ZNF567: variants seen among roughly 807,000 people sequenced by gnomAD.
The protein encoded by ZNF567 is zinc finger protein 567.
ZNF567 carries 36 observed loss-of-function variants against 53.9 expected under a neutral mutation model. The observed-to-expected ratio is 0.67, with a 90% confidence interval of 0.51 to 0.88. The LOEUF is 0.88. ZNF567 is among the 40% of genes least tolerant of loss of function. ZNF567 has a pLI of 0.00. For missense variants in ZNF567, 619 were observed against 764.7 expected, an observed-to-expected ratio of 0.81 and a Z score of 2.25; for synonymous variants, 224 against 260.4, an observed-to-expected ratio of 0.86 and a Z score of 1.35.
chr19:36,719,049 G>A lies in ZNF567; in HGVS notation c.325G>A (p.Glu109Lys), dbSNP rs762017192. ...VSINHKKLVK[E>K]KSKIYEKTFT... The stretch of plus-strand genomic sequence containing the variant: ...CATCAACCACAAAAAACTGGTGAAG[G>A]AGAAGAGTAAAATATATGAAAAGAC... The change falls in exon 6 of 6, where the codon GAG becomes AAG. Residue 109 changes from glutamate (E) to lysine (K), a missense_variant. Physicochemically the swap from Glu to Lys is moderately conservative, Grantham distance 56 (BLOSUM62 1). Coordinates refer to ENST00000682579, the MANE Select transcript of ZNF567 (RefSeq NM_001322917.1). 4.3e-6 allele frequency: 7 copies of A among 1,612,376 alleles called. No homozygotes were observed. Among genetic ancestry groups the A allele is most frequent in the East Asian group, 2.2e-5 (1 of 44,840 alleles).
intron 3 of ZNF567, among the ~76,000 whole-genome samples, chr19:36,695,171 A>T (rs1489327212): frequency 6.6e-6 from 1 of 151,608 alleles, no homozygotes; most frequent in African/African-American, 2.4e-5. Flanking sequence ...TTGCGAGTCC[A>T]GGAGTTCAAG....
rs2039859866 is a variant in ZNF567 at position 36,712,852 on chromosome 19, G to A, written c.208G>A (p.Gly70Ser). The change falls in exon 5 of 6, where the codon GGT becomes AGT. Residue 70 changes from glycine (G) to serine (S), a missense_variant. By Grantham distance (56) the Gly-to-Ser change is moderately conservative. Transcript: ENST00000682579. ...RGEEPWTSFA[G>S]HTCLEENWKA... ...AGAAGAGCCATGGACATCATTTGCA[G>A]GTCATACCTGCTTGGGTGAGTTTCT... 1.2e-6 allele frequency: 2 copies of A among 1,613,942 alleles called. No individual in the cohort carries two copies. Among genetic ancestry groups the A allele is most frequent in the Non-Finnish European group, 1.7e-6 (2 of 1,179,892 alleles).
upstream of ZNF567, chr19:36,685,500 A>G (rs751162439): frequency 5.3e-5 from 8 of 150,916 alleles, no homozygotes; most frequent in African/African-American, 7.5e-5. Context: ...AAAGTTGGTC[A>G]AGACATGGGA....
Position 36,694,796 on chromosome 19 carries a change from CCTT to C in ZNF567, c.-66-5_-66-3del. ...GGCTTTTTTTGTCTCGGCTTTGCCT[CCTT>C]AGGAACTGCCTCTTTTCTAAAGAGG... On this transcript the variant is annotated splice_polypyrimidine_tract_variant and splice_region_variant and intron_variant, in intron 2 of 5. Transcript: ENST00000682579. 6.9e-7 allele frequency: 1 copy of C among 1,456,530 alleles called. No homozygotes were observed. The highest frequency in any genetic ancestry group is 1.4e-5 in the African/African-American group (1 of 69,328). 90.2% of individuals were successfully genotyped at this position (1,456,530 alleles called of 1,614,324 possible). A position where few individuals can be genotyped will look rare whatever the true frequency, so the allele number is the denominator to read the frequency against.
At chr19:36,714,451 T>G (rs1002941439) in intron 5 of ZNF567, 10 of 398,302 alleles carry the variant, frequency 2.5e-5, no homozygotes, top group African/African-American at 1.6e-4. Context: ...CTTGAGCCAC[T>G]GCACCTGGCA....
downstream of ZNF567, among the ~76,000 whole-genome samples, chr19:36,721,732 C>CTTTTTTTTT (rs756276834): frequency 3.3e-5 from 4 of 121,654 alleles, no homozygotes; most frequent in Admixed American, 1.0e-4. Context: ...GTACCAGAGT[C>CTTTTTTTTT]TTTTTTTTTT....
upstream of ZNF567, chr19:36,686,061 A>G (rs2038262734): frequency 6.6e-6 from 1 of 152,210 alleles, no homozygotes; most frequent in Admixed American, 6.5e-5. Context: ...AGACTTCCTG[A>G]AGCTTTGTCT....
chr19:36,702,564 A>G (rs1274535708), intron 3 of ZNF567, among the ~76,000 whole-genome samples: 4 of 152,084 alleles, frequency 2.6e-5, no homozygotes, highest in East Asian at 3.8e-4. Context: ...AGGTACACCA[A>G]TCAGACGTAG....
chr19:36,712,848 T>G lies in ZNF567; in HGVS notation c.204T>G (p.Phe68Leu), dbSNP rs2039859324. The G allele has an allele frequency of 6.2e-7, 1 of 1,614,176 alleles. No individual in the cohort carries two copies. Among genetic ancestry groups the G allele is most frequent in the East Asian group, 2.2e-5 (1 of 44,882 alleles). Residue 68 changes from phenylalanine to leucine, a missense_variant, in exon 5 of 6, where the codon TTT becomes TTG. Coordinates refer to ENST00000682579, the MANE Select transcript of ZNF567 (RefSeq NM_001322917.1). Reference protein sequence around the residue: ...LERGEEPWTSFAGHTCLEENW... With the variant: ...LERGEEPWTSLAGHTCLEENW... Reference sequence around the variant, plus strand: ...GAGGAGAAGAGCCATGGACATCATTTGCAGGTCATACCTGCTTGGGTGAGT... The same window carrying G: ...GAGGAGAAGAGCCATGGACATCATTGGCAGGTCATACCTGCTTGGGTGAGT...
chr19:36,708,065 T>A (rs747633583), intron 3 of ZNF567, among the ~76,000 whole-genome samples: 61 of 151,986 alleles, frequency 4.0e-4, no homozygotes, highest in Non-Finnish European at 2.2e-4. Flanking sequence ...CTAGCTAATT[T>A]TTAAATTTTT....
At chr19:36,681,841 A>G in the ZNF567 span, among the ~76,000 whole-genome samples, 1 of 152,068 alleles carries the variant, frequency 6.6e-6, no homozygotes, top group Non-Finnish European at 1.5e-5. Context: ...ACAACAGAAC[A>G]CCAAAACTTA....
At chr19:36,715,230 G>A (rs987189061) in intron 5 of ZNF567, among the ~76,000 whole-genome samples, 5 of 151,558 alleles carry the variant, frequency 3.3e-5, no homozygotes, top group Non-Finnish European at 5.9e-5. Flanking sequence ...GTTCAGTCTC[G>A]GCTCACTGCA....
intron 3 of ZNF567, among the ~76,000 whole-genome samples, chr19:36,698,853 T>G (rs1349263475): frequency 6.6e-6 from 1 of 152,208 alleles, no homozygotes; most frequent in Non-Finnish European, 1.5e-5. Flanking sequence ...TGCGAAAATT[T>G]TCTCCCATTT....
intron 2 of ZNF567, among the ~76,000 whole-genome samples, chr19:36,691,518 T>C (rs2038610095): frequency 1.3e-5 from 2 of 152,218 alleles, no homozygotes; most frequent in South Asian, 2.1e-4. Context: ...TTCTATCTTT[T>C]ATCTAAGCTT....
rs759109515 is a variant in ZNF567, at chr19:36,720,014, C to T, written c.1290C>T (p.Phe430=). 6.2e-7 allele frequency: 1 copy of T among 1,613,712 alleles called. No homozygotes were observed. The highest frequency in any genetic ancestry group is 1.3e-5 in the African/African-American group (1 of 74,798). The change falls in exon 6 of 6, where the codon TTC becomes TTT. Residue 430 remains phenylalanine, a synonymous_variant. Transcript: ENST00000682579. ...PYICNECGKS[F]SQKTTLALHE... ...TTTGTAATGAATGTGGGAAATCCTTCTCCCAGAAGACAACCCTTGCTCTTC... is the reference window on the plus strand; with the variant it reads ...TTTGTAATGAATGTGGGAAATCCTTTTCCCAGAAGACAACCCTTGCTCTTC...
At position 36,721,106 on chromosome 19, in the gene ZNF567, T is replaced by C. The variant is rs997668713; in HGVS notation, c.*438T>C. On this transcript the variant is annotated 3_prime_UTR_variant, in exon 6 of 6. Transcript: ENST00000682579. ...AACATCAAAACGTAGTTTTTGCATG[T>C]TTTCAATTTTATAAATATATATTTT... is the stretch of plus-strand genomic sequence containing the variant. The C allele has an allele frequency of 2.0e-5, 3 of 152,278 alleles. No homozygotes were observed. Among genetic ancestry groups the C allele is most frequent in the Non-Finnish European group, 4.4e-5 (3 of 68,086 alleles). 9.4% of individuals were successfully genotyped at this position (152,278 alleles called of 1,614,324 possible).
At chr19:36,723,169 A>T, downstream of ZNF567, 1 of 702,898 alleles carries the variant, frequency 1.4e-6, no homozygotes. Context: ...CAAAGATGGA[A>T]GCCTACCTTG....
downstream of ZNF567, among the ~76,000 whole-genome samples, chr19:36,724,774 G>C (rs1178210736): frequency 6.6e-6 from 1 of 151,610 alleles, no homozygotes; most frequent in Non-Finnish European, 1.5e-5. Context: ...CTTAAACCTG[G>C]GAGGCAGAGG....
At chr19:36,679,817 G>GT in the ZNF567 span, among the ~76,000 whole-genome samples, 1 of 152,006 alleles carries the variant, frequency 6.6e-6, no homozygotes, top group South Asian at 2.1e-4. Context: ...GTTACCAAAG[G>GT]TTGGGGGGTG....
Sources: gnomAD v4.1 joint callset for allele counts (sites outside exome capture counted in the v4.1 genomes callset) on GRCh38, gnomAD v4.1.1 for gene constraint, MANE v1.5 for transcripts, NCBI Gene and HGNC (gene_info 2026-07-23, HGNC 2026-07-21) for gene names.